The following CBR4 variants were observed in gnomAD, a reference collection of about 807,000 sequenced individuals.
CBR4 encodes the protein 3-oxoacyl-[acyl-carrier-protein] reductase.
CBR4 carries 22 observed loss-of-function variants against 21.0 expected under a neutral mutation model. The ratio of observed to expected loss-of-function variants is 1.05; its 90% CI spans 0.75 to 1.50. CBR4 has a LOEUF of 1.50. CBR4 is among the 40% of genes most tolerant of loss of function. The pLI is 0.00. For missense variants in CBR4, 302 were observed against 286.3 expected, an observed-to-expected ratio of 1.05 and a Z score of -0.40; for synonymous variants, 100 against 104.4, an observed-to-expected ratio of 0.96 and a Z score of 0.26.
At chr4:168,971,877 A>G (rs1468212700) in intron 2 of CBR4, among the ~76,000 whole-genome samples, 2 of 152,130 alleles carry the variant, frequency 1.3e-5, no homozygotes, top group African/African-American at 2.4e-5. Flanking sequence ...CAAGGTCTAC[A>G]TGAGTTTTTC....
intron 1 of CBR4, chr4:169,009,059 C>CAAA (rs34403282): frequency 8.3e-4 from 297 of 359,490 alleles, no homozygotes; most frequent in South Asian, 1.2e-3. Context: ...GAAGCCCTCT[C>CAAA]AAAAAAAAAA....
At chr4:168,960,384 C>T (rs1304427641) in intron 2 of CBR4, among the ~76,000 whole-genome samples, 1 of 152,094 alleles carries the variant, frequency 6.6e-6, no homozygotes, top group African/African-American at 2.4e-5. Flanking sequence ...AGCTCACAAT[C>T]TAGTGGAAAA....
At chr4:168,910,447 T>C (rs193006520) in intron 2 of CBR4, among the ~76,000 whole-genome samples, 32 of 152,260 alleles carry the variant, frequency 2.1e-4, no homozygotes, top group Admixed American at 9.8e-4. Flanking sequence ...CAAAGGTATT[T>C]TGTTTTTCCT....
chr4:169,010,001 G>C lies in CBR4; in HGVS notation c.89C>G (p.Ala30Gly), dbSNP rs539393557. 1.7e-5 allele frequency: 28 copies of C among 1,613,504 alleles called. No homozygotes were observed. The South Asian group carries it at 2.7e-4, about 16-fold the overall frequency. ...QLMARKGYRL[A>G]VIARNLEGAK... ...CCCTTCCAGGTTTCTGGCAATGACC[G>C]CCAGTCGGTAGCCTTTCCGGGCCAT... is the stretch of plus-strand genomic sequence containing the variant. Residue 30 changes from alanine to glycine, a missense_variant, in exon 1 of 5, where the codon GCG becomes GGG. Coordinates refer to ENST00000306193, the MANE Select transcript of CBR4 (RefSeq NM_032783.5).
At chr4:169,006,512 C>G (rs1695518747) in intron 3 of CBR4, among the ~76,000 whole-genome samples, 1 of 152,188 alleles carries the variant, frequency 6.6e-6, no homozygotes, top group Non-Finnish European at 1.5e-5. Flanking sequence ...TCATTTATCA[C>G]ATGGCTGGTA....
rs759161060 is a variant in CBR4 at position 168,924,411 on chromosome 4, A to C, written n.170-29646T>G. On this transcript the variant is annotated intron_variant and non_coding_transcript_variant, in intron 2 of 3. Coordinates refer to the CBR4 transcript ENST00000509108. ...AATGAATCACTCACTCACAGCACTGACCGAGTGAGGTAAGACTGCACAATG... is the reference window on the plus strand; with the variant it reads ...AATGAATCACTCACTCACAGCACTGCCCGAGTGAGGTAAGACTGCACAATG... 3.7e-6 allele frequency: 6 copies of C among 1,613,592 alleles called. No homozygotes were observed. The highest frequency in any genetic ancestry group is 5.1e-6 in the Non-Finnish European group (6 of 1,179,534).
chr4:168,980,515 CA>C (rs1243025413), intron 2 of CBR4, among the ~76,000 whole-genome samples: 2 of 152,148 alleles, frequency 1.3e-5, no homozygotes, highest in Non-Finnish European at 2.9e-5. Context: ...GCAGGCAGAT[CA>C]CTCAAGGTCA....
chr4:168,998,037 T>A (rs185491019), intron 4 of CBR4, among the ~76,000 whole-genome samples: 5 of 152,312 alleles, frequency 3.3e-5, no homozygotes, highest in African/African-American at 7.2e-5. Flanking sequence ...ACTTAGAATA[T>A]CTTCTCTGAG....
chr4:169,006,186 CACT>C (rs1470354128), intron 3 of CBR4, among the ~76,000 whole-genome samples: 1 of 152,076 alleles, frequency 6.6e-6, no homozygotes, highest in Non-Finnish European at 1.5e-5. Flanking sequence ...ATTTAGCCAC[CACT>C]GTCTACTTTA....
intron 2 of CBR4, among the ~76,000 whole-genome samples, chr4:168,938,869 AAAG>A (rs1211292594): frequency 1.3e-5 from 2 of 152,344 alleles, no homozygotes; most frequent in East Asian, 1.9e-4. Flanking sequence ...CCAGAGGTAC[AAAG>A]AAGAACTGGT....
chr4:169,000,360 A>C (rs909687417), intron 4 of CBR4, among the ~76,000 whole-genome samples: 1 of 152,130 alleles, frequency 6.6e-6, no homozygotes, highest in South Asian at 2.1e-4. Flanking sequence ...GAATGTCTGA[A>C]TGTAGCTAGT....
Position 169,007,662 on chromosome 4 carries a change from G to T in CBR4, c.237C>A (p.Phe79Leu). 1 of 1,584,084 alleles carries T rather than the reference G, an allele frequency of 6.3e-7. No homozygotes were observed. Among genetic ancestry groups the T allele is most frequent in the Non-Finnish European group, 8.6e-7 (1 of 1,167,490 alleles). ...TGTTAATACCAGCTGCATTTACCAA[G>T]AAATTTACTCGACCTAAATGTTTCT... ...ELEKHLGRVN[F>L]LVNAAGINRD... Residue 79 changes from phenylalanine to leucine, a missense_variant, in exon 2 of 5, where the codon TTC (phenylalanine) becomes TTA (leucine). By Grantham distance (22) the Phe-to-Leu change is conservative (BLOSUM62 0). Transcript: ENST00000306193.
intron 2 of CBR4, among the ~76,000 whole-genome samples, chr4:168,895,600 T>TTG (rs1329444337): frequency 1.3e-5 from 2 of 152,188 alleles, no homozygotes; most frequent in Non-Finnish European, 2.9e-5. Context: ...TACAATTCAT[T>TTG]AAGTGGAAGT....
chr4:168,993,735 A>T (rs1765039689), intron 4 of CBR4, among the ~76,000 whole-genome samples: 1 of 152,220 alleles, frequency 6.6e-6, no homozygotes, highest in East Asian at 1.9e-4. Context: ...ATAAAAATCG[A>T]TGCATTTTAA....
intron 2 of CBR4, chr4:168,925,523 C>G: frequency 2.0e-6 from 1 of 493,306 alleles, no homozygotes; most frequent in Non-Finnish European, 3.7e-6. Context: ...TCCTGGAATG[C>G]GTACTTTTGT....
intron 2 of CBR4, among the ~76,000 whole-genome samples, chr4:168,896,196 G>A (rs978806471): frequency 2.6e-4 from 35 of 136,166 alleles, no homozygotes; most frequent in African/African-American, 7.8e-4. Flanking sequence ...GTGACAGAGC[G>A]AGACTCCATC....
chr4:168,896,672 G>A (rs969824644), intron 2 of CBR4: 18 of 831,030 alleles, frequency 2.2e-5, no homozygotes, highest in East Asian at 8.0e-5. Context: ...CCTGTTTTAC[G>A]TGTGTTTCTA....
intron 2 of CBR4, among the ~76,000 whole-genome samples, chr4:168,961,076 G>C (rs1763836377): frequency 6.6e-6 from 1 of 152,174 alleles, no homozygotes; most frequent in African/African-American, 2.4e-5. Context: ...ATGGGTACTA[G>C]GTAACAGCAT....
intron 2 of CBR4, among the ~76,000 whole-genome samples, chr4:168,962,464 G>T (rs1205704296): frequency 3.3e-5 from 5 of 152,178 alleles, no homozygotes; most frequent in Non-Finnish European, 5.9e-5. Context: ...AAATGTACGG[G>T]ATGGAAGAGA....
Sources: allele counts gnomAD v4.1 joint callset (sites outside exome capture counted in the v4.1 genomes callset), GRCh38; gene constraint gnomAD v4.1.1; transcripts MANE v1.5; gene names NCBI Gene and HGNC (gene_info 2026-07-23, HGNC 2026-07-21).